The following GAS2L3 variants were observed in gnomAD, a reference collection of about 807,000 sequenced individuals.
GAS2L3 encodes the protein GAS2-like protein 3.
A neutral mutation model predicts 37.0 loss-of-function variants in GAS2L3; 28 were observed. That is an observed-to-expected ratio of 0.76 (90% CI 0.56 to 1.04). The LOEUF (loss-of-function observed/expected upper bound fraction) is 1.04. Ranked by LOEUF, GAS2L3 falls within the 50% of genes least tolerant of loss-of-function variation. GAS2L3 has a pLI of 0.00. For missense variants in GAS2L3, 793 were observed against 817.6 expected, an observed-to-expected ratio of 0.97 and a Z score of 0.37; for synonymous variants, 290 against 296.6, an observed-to-expected ratio of 0.98 and a Z score of 0.23.
intron 2 of GAS2L3, among the ~76,000 whole-genome samples, chr12:100,594,469 A>C (rs190664304): frequency 6.6e-6 from 1 of 152,048 alleles, no homozygotes; most frequent in Admixed American, 6.6e-5. Context: ...CTTTGATGAC[A>C]GTCAGATAAA....
intron 4 of GAS2L3, 48 bp downstream of exon 4, chr12:100,600,598 C>G (rs1253952596): frequency 7.3e-7 from 1 of 1,370,708 alleles, no homozygotes; most frequent in East Asian, 2.3e-5. Flanking sequence ...ATTCAATATG[C>G]ATTTATTGAG....
rs186934972 is a variant in GAS2L3, at chr12:100,577,375, G to A, written c.-152+3590G>A. Among the ~76,000 whole-genome samples, 398 of 152,022 alleles carry A rather than the reference G, an allele frequency of 2.6e-3. 3 individuals carry two copies. Among genetic ancestry groups the A allele is most frequent in the Admixed American group, 2.0e-3 (31 of 15,276 alleles). On this transcript the variant is annotated intron_variant, in intron 1 of 9. Coordinates refer to ENST00000547754, the MANE Select transcript of GAS2L3 (RefSeq NM_174942.3). ...GTAAAGGCAAACTGATCTTAAGTTC[G>A]TTAAAAAAATTGTATGCCACAAAAT...
chr12:100,583,814 C>T (rs1757121610), intron 1 of GAS2L3, among the ~76,000 whole-genome samples: 2 of 152,122 alleles, frequency 1.3e-5, no homozygotes, highest in African/African-American at 4.8e-5. Context: ...AGGCAGCTCA[C>T]TTGACATGCT....
At position 100,608,191 on chromosome 12, in the gene GAS2L3, G is replaced by T. The variant is rs145781008; in HGVS notation, c.304-3809G>T. 1.9e-3 allele frequency among the ~76,000 whole-genome samples: 282 copies of T among 152,320 alleles called. 2 individuals are homozygous for T. Among genetic ancestry groups the T allele is most frequent in the African/African-American group, 6.1e-3 (255 of 41,576 alleles). ...TCTGCATTACCAGGTAGAGATTCTTGTGTGTGCGTGTGGGTTTTTTTCTTT... is the reference window on the plus strand; with the variant it reads ...TCTGCATTACCAGGTAGAGATTCTTTTGTGTGCGTGTGGGTTTTTTTCTTT... On this transcript the variant is annotated intron_variant, in intron 5 of 9. Coordinates refer to ENST00000547754, the MANE Select transcript of GAS2L3 (RefSeq NM_174942.3).
At chr12:100,583,129 G>A (rs1955734579) in intron 1 of GAS2L3, among the ~76,000 whole-genome samples, 1 of 152,212 alleles carries the variant, frequency 6.6e-6, no homozygotes, top group Non-Finnish European at 1.5e-5. Context: ...TATTAAGAAA[G>A]TAAAGGAATA....
At chr12:100,621,879 G>A (rs993551115) in intron 8 of GAS2L3, among the ~76,000 whole-genome samples, 3 of 136,354 alleles carry the variant, frequency 2.2e-5, no homozygotes, top group Non-Finnish European at 4.7e-5. Flanking sequence ...GAGGGTGGGG[G>A]GGGGAGAGAG....
intron 7 of GAS2L3, among the ~76,000 whole-genome samples, chr12:100,618,050 T>C (rs1394169702): frequency 6.6e-6 from 1 of 152,180 alleles, no homozygotes; most frequent in Non-Finnish European, 1.5e-5. Flanking sequence ...TTAAATTTTT[T>C]AGATTAAGGA....
chr12:100,618,267 G>T (rs906200690), intron 7 of GAS2L3, among the ~76,000 whole-genome samples, 182 bp from the exon 8 acceptor site: 1 of 152,158 alleles, frequency 6.6e-6, no homozygotes, highest in Non-Finnish European at 1.5e-5. Flanking sequence ...ATGATGTGAG[G>T]ACTGTAATAT....
intron 3 of GAS2L3, among the ~76,000 whole-genome samples, chr12:100,597,096 A>G (rs1338156274): frequency 6.6e-6 from 1 of 151,984 alleles, no homozygotes; most frequent in Non-Finnish European, 1.5e-5. Flanking sequence ...AAGAAGTAAA[A>G]ATGACTTCTT....
chr12:100,580,165 G>A, intron 1 of GAS2L3: 1 of 754,366 alleles, frequency 1.3e-6, no homozygotes, highest in Non-Finnish European at 2.4e-6. Flanking sequence ...TAAAAGAGGG[G>A]GTGAGAATAT....
At chr12:100,598,618 A>T (rs531620003) in intron 3 of GAS2L3, among the ~76,000 whole-genome samples, 1 of 152,070 alleles carries the variant, frequency 6.6e-6, no homozygotes, top group Non-Finnish European at 1.5e-5. Context: ...CATTCTTGTT[A>T]AAATTTCAGT....
chr12:100,612,243 TCTC>T, intron 6 of GAS2L3, 102 bp downstream of exon 6: 2 of 892,160 alleles, frequency 2.2e-6, no homozygotes, highest in Admixed American at 2.3e-5. Context: ...AAATGCCTCA[TCTC>T]ATTTTCCTAG....
At chr12:100,576,881 A>G (rs1565794516) in intron 1 of GAS2L3, among the ~76,000 whole-genome samples, 1 of 152,224 alleles carries the variant, frequency 6.6e-6, no homozygotes, top group Non-Finnish European at 1.5e-5. Context: ...TAAGCATCCT[A>G]GAGTTTATAG....
At chr12:100,621,636 T>C (rs1956252482) in intron 8 of GAS2L3, among the ~76,000 whole-genome samples, 1 of 151,994 alleles carries the variant, frequency 6.6e-6, no homozygotes, top group Admixed American at 6.6e-5. Flanking sequence ...ATAAATTTGA[T>C]CAAATCTAGA....
At chr12:100,584,659 C>T (rs142834196) in intron 1 of GAS2L3, among the ~76,000 whole-genome samples, 10,516 of 151,806 alleles carry the variant, frequency 0.069, 457 homozygotes, top group African/African-American at 0.099. Context: ...CTGCAACCTC[C>T]GCATCCCAGG....
chr12:100,586,521 A>G (rs1215389039), intron 1 of GAS2L3, among the ~76,000 whole-genome samples: 1 of 152,194 alleles, frequency 6.6e-6, no homozygotes, highest in Non-Finnish European at 1.5e-5. Context: ...TTTAAATGTC[A>G]TTTGAACTGA....
chr12:100,608,550 C>T (rs1294182683), intron 5 of GAS2L3, among the ~76,000 whole-genome samples: 1 of 151,992 alleles, frequency 6.6e-6, no homozygotes, highest in Non-Finnish European at 1.5e-5. Flanking sequence ...GAGACGGAGT[C>T]TCGCTCTGTC....
At chr12:100,589,765 A>G (rs1333058775) in intron 1 of GAS2L3, among the ~76,000 whole-genome samples, 1 of 152,150 alleles carries the variant, frequency 6.6e-6, no homozygotes, top group African/African-American at 2.4e-5. Flanking sequence ...CCAGAAATAA[A>G]CCCAAATACT....
rs1178126714 is a variant in GAS2L3 at position 100,623,596 on chromosome 12, G to C, written c.791G>C (p.Gly264Ala). 4.3e-6 allele frequency: 7 copies of C among 1,609,268 alleles called. No individual in the cohort carries two copies. Among genetic ancestry groups the C allele is most frequent in the Non-Finnish European group, 4.2e-6 (5 of 1,177,990 alleles). The change falls in exon 10 of 10, where the codon GGT becomes GCT. Residue 264 changes from glycine to alanine, a missense_variant. Gly to Ala is a moderately conservative substitution (Grantham distance 60). Transcript: ENST00000547754. ...LHGKHVMVRV[G>A]GGWDTLQGFL... ...GGAAAACATGTCATGGTTCGCGTTG[G>C]TGGAGGCTGGGATACTCTTCAAGGA...
Sources: allele counts gnomAD v4.1 joint callset (sites outside exome capture counted in the v4.1 genomes callset), GRCh38; gene constraint gnomAD v4.1.1; transcripts MANE v1.5; gene names NCBI Gene and HGNC (gene_info 2026-07-23, HGNC 2026-07-21).